The following CAV3 variants were observed in gnomAD, a reference collection of about 807,000 sequenced individuals.
CAV3 encodes the protein caveolin 3, also known as caveolin-3.
CAV3 carries 10 observed loss-of-function variants against 13.4 expected under a neutral mutation model. The observed-to-expected ratio is 0.75, with a 90% CI of 0.46 to 1.27. The LOEUF (loss-of-function observed/expected upper bound fraction) is 1.27, where lower values mean the gene tolerates loss of function less well. Among genes scored for constraint, CAV3 ranks in the 50% most tolerant of loss-of-function variants. The pLI is 0.00. For missense variants in CAV3, 162 were observed against 194.0 expected, an observed-to-expected ratio of 0.83 and a Z score of 0.98; for synonymous variants, 90 against 79.0, an observed-to-expected ratio of 1.14 and a Z score of -0.74.
chr3:8,738,014 T>TTC lies in CAV3; in HGVS notation c.114+4039_114+4040dup, dbSNP rs147215433. On this transcript the variant is annotated intron_variant, in intron 1 of 1. Transcript: ENST00000343849. ...CTCTCTTCTCTCTCTCTCCTCTTTC[T>TTC]TCTCTCTCTCTCTCTCCTCTGTCTT... 8.7e-5 allele frequency among the ~76,000 whole-genome samples: 13 copies of TTC among 149,860 alleles called. No homozygotes were observed. In the South Asian group the frequency reaches 1.5e-3, roughly 17 times the overall value.
intron 1 of CAV3, among the ~76,000 whole-genome samples, chr3:8,743,549 C>T (rs1006281551): frequency 3.3e-5 from 5 of 152,098 alleles, no homozygotes; most frequent in African/African-American, 1.2e-4. Context: ...AGCTGGGGGC[C>T]AAGATTATAC....
At chr3:8,742,549 T>C in intron 1 of CAV3, 1 of 453,088 alleles carries the variant, frequency 2.2e-6, no homozygotes, top group Non-Finnish European at 4.4e-6. Flanking sequence ...TGGAGAATAA[T>C]CCGGGATGTC....
At chr3:8,737,896 C>T (rs1707813391) in intron 1 of CAV3, among the ~76,000 whole-genome samples, 1 of 152,090 alleles carries the variant, frequency 6.6e-6, no homozygotes, top group Admixed American at 6.5e-5. Flanking sequence ...TACAGGTATA[C>T]CTCAGCACCT....
rs587780883 is a variant in CAV3 at position 8,733,906 on chromosome 3, G to A, written c.30G>A (p.Glu10=). Residue 10 remains glutamate, a synonymous_variant, in exon 1 of 2, where the codon GAG becomes GAA. Transcript: ENST00000343849. ...TGGCAGAAGAGCACACAGATCTCGA[G>A]GCCCAGATCGTCAAGGATATCCACT... MMAEEHTDL[E]AQIVKDIHCK... 1.7e-5 allele frequency: 28 copies of A among 1,612,764 alleles called. No homozygotes were observed. Among genetic ancestry groups the A allele is most frequent in the Non-Finnish European group, 1.9e-5 (22 of 1,178,938 alleles).
rs1708110227 is a variant in CAV3 at position 8,745,123 on chromosome 3, A to C, written c.115-403A>C. On this transcript the variant is annotated intron_variant, in intron 1 of 1. Transcript: ENST00000343849. The surrounding 1 kb of genome is among the most constrained non-coding windows in gnomAD (Gnocchi z 4.8). Reference sequence around the variant, plus strand: ...CGTGGCTTAGTGCTGTCCTCACAATAGTGGGAGAGTTCTCATAAGATCTGG... The same window carrying C: ...CGTGGCTTAGTGCTGTCCTCACAATCGTGGGAGAGTTCTCATAAGATCTGG... The C allele has an allele frequency of 2.3e-5, 5 of 218,494 alleles. No individual in the cohort carries two copies. In the South Asian group the frequency reaches 3.6e-4, roughly 16 times the overall value. The allele number at this position is 218,494 out of a possible 1,614,324, so 13.5% of individuals were successfully genotyped here.
chr3:8,735,444 A>G (rs1418633296), intron 1 of CAV3, among the ~76,000 whole-genome samples: 1 of 152,258 alleles, frequency 6.6e-6, no homozygotes, highest in Non-Finnish European at 1.5e-5. Context: ...CATAAAATGT[A>G]CATGTGAAAA....
At chr3:8,737,567 G>A (rs749711083) in intron 1 of CAV3, among the ~76,000 whole-genome samples, 38 of 152,142 alleles carry the variant, frequency 2.5e-4, no homozygotes, top group Non-Finnish European at 5.0e-4. Flanking sequence ...TCCAAGGCTC[G>A]GGACTGGGCC....
At position 8,733,975 on chromosome 3, in the gene CAV3, C is replaced by T. The variant is rs1008642; in HGVS notation, c.99C>T (p.Asn33=). Residue 33 remains asparagine, a synonymous_variant, in exon 1 of 2, where the codon AAC becomes AAT. Transcript: ENST00000343849. ...DLVNRDPKNI[N]EDIVKVDFED... is the part of the protein sequence containing the mutation. ...TGAACCGAGACCCCAAGAACATTAACGAGGACATAGTCAAGGTAGGCTCTG... is the reference window on the plus strand; with the variant it reads ...TGAACCGAGACCCCAAGAACATTAATGAGGACATAGTCAAGGTAGGCTCTG... 419,413 of 1,601,170 alleles carry T rather than the reference C, an allele frequency of 0.26. 60,267 individuals carry two copies. The highest frequency in any genetic ancestry group is 0.56 in the African/African-American group (41,780 of 74,416).
At chr3:8,739,789 G>A (rs1321783546) in intron 1 of CAV3, among the ~76,000 whole-genome samples, 1 of 152,126 alleles carries the variant, frequency 6.6e-6, no homozygotes, top group Non-Finnish European at 1.5e-5. Flanking sequence ...AAACTTAATG[G>A]CTTAAGGAAA....
At chr3:8,739,503 C>T (rs1427617852) in intron 1 of CAV3, among the ~76,000 whole-genome samples, 2 of 151,536 alleles carry the variant, frequency 1.3e-5, no homozygotes, top group Non-Finnish European at 2.9e-5. Context: ...GCCTGTAATC[C>T]CAGCTACTCA....
Position 8,745,300 on chromosome 3 carries a change from C to T in CAV3, c.115-226C>T, listed in dbSNP as rs1484492864. ...CAAGCAGATGCCAGCACCATGATTC[C>T]TGCACAGATCACAGACCCATGGGCC... On this transcript the variant is annotated intron_variant, in intron 1 of 1. Transcript: ENST00000343849. The surrounding 1 kb of genome is among the most constrained non-coding windows in gnomAD (Gnocchi z 4.8). Among the ~76,000 whole-genome samples the T allele has an allele frequency of 1.3e-5, 2 of 152,168 alleles. No individual in the cohort carries two copies. Among genetic ancestry groups the T allele is most frequent in the African/African-American group, 2.4e-5 (1 of 41,434 alleles).
In CAV3 at chr3:8,744,275, A is replaced by ATTT. The variant is rs35889837; in HGVS notation, c.115-1232_115-1230dup. Among the ~76,000 whole-genome samples the ATTT allele has an allele frequency of 1.8e-3, 221 of 120,834 alleles. 5 individuals are homozygous for ATTT. Among genetic ancestry groups the ATTT allele is most frequent in the African/African-American group, 7.1e-3 (199 of 27,982 alleles). The allele number at this position is 120,834 out of a possible 152,430, so 79.3% of individuals were successfully genotyped here. A position where few individuals can be genotyped will look rare whatever the true frequency, so the allele number is the denominator to read the frequency against. ...CACTGCTGTTTAATTGACCAGTGGA[A>ATTT]TTTTTTTTTTTTTTTTTTTTTGAGA... is the stretch of plus-strand genomic sequence containing the variant. On this transcript the variant is annotated intron_variant, in intron 1 of 1. Coordinates refer to ENST00000343849, the MANE Select transcript of CAV3 (RefSeq NM_033337.3).
At chr3:8,734,143 A>AC (rs1446848509) in intron 1 of CAV3, among the ~76,000 whole-genome samples, 153 bp downstream of exon 1, 1 of 76,246 alleles carries the variant, frequency 1.3e-5, no homozygotes, top group African/African-American at 5.3e-5. Flanking sequence ...ACCCCACCCC[A>AC]CCCCCAAAAA....
Position 8,745,973 on chromosome 3 carries a change from C to G in CAV3, c.*106C>G. 1 of 847,504 alleles carries G rather than the reference C, an allele frequency of 1.2e-6. No individual in the cohort carries two copies. 52.5% of individuals were successfully genotyped at this position (847,504 alleles called of 1,614,324 possible). ...CTGGCGAGCTCTTTCTCTTTAGGGA[C>G]TGCTCCATACCCCATGATGGAGCAC... On this transcript the variant is annotated 3_prime_UTR_variant, in exon 2 of 2. Coordinates refer to ENST00000343849, the MANE Select transcript of CAV3 (RefSeq NM_033337.3). The surrounding 1 kb of genome is among the most constrained non-coding windows in gnomAD (Gnocchi z 4.8).
intron 1 of CAV3, among the ~76,000 whole-genome samples, chr3:8,737,708 G>A (rs1399127917): frequency 1.3e-5 from 2 of 152,136 alleles, no homozygotes; most frequent in Non-Finnish European, 2.9e-5. Flanking sequence ...GTTCAGCACA[G>A]GCAATGTGCT....
At position 8,745,571 on chromosome 3, in the gene CAV3, T is replaced by G. The variant is rs730880419; in HGVS notation, c.160T>G (p.Phe54Val). Residue 54 changes from phenylalanine (F) to valine (V), a missense_variant, in exon 2 of 2, where the codon TTT becomes GTT. By Grantham distance (50) the Phe-to-Val change is conservative. Transcript: ENST00000343849. The surrounding 1 kb of genome is among the most constrained non-coding windows in gnomAD (Gnocchi z 4.8). Reference sequence around the variant, plus strand: ...CGCAGAGCCTGTGGGCACCTACAGCTTTGACGGCGTGTGGAAGGTGAGCTA... The same window carrying G: ...CGCAGAGCCTGTGGGCACCTACAGCGTTGACGGCGTGTGGAAGGTGAGCTA... ...VIAEPVGTYS[F>V]DGVWKVSYTT... The G allele has an allele frequency of 1.7e-5, 28 of 1,614,132 alleles. No homozygotes were observed. Among genetic ancestry groups the G allele is most frequent in the Non-Finnish European group, 2.4e-5 (28 of 1,180,008 alleles).
chr3:8,743,618 G>A (rs1708049312), intron 1 of CAV3, among the ~76,000 whole-genome samples: 1 of 152,174 alleles, frequency 6.6e-6, no homozygotes, highest in Non-Finnish European at 1.5e-5. Flanking sequence ...GTCTCACCCT[G>A]TAAACTGTGC....
At chr3:8,741,968 G>A (rs753292949) in intron 1 of CAV3, among the ~76,000 whole-genome samples, 6 of 152,172 alleles carry the variant, frequency 3.9e-5, no homozygotes, top group Middle Eastern at 3.4e-3. Flanking sequence ...TCACCCTCCA[G>A]CCCCTCTCTC....
chr3:8,736,692 C>T (rs374045474), intron 1 of CAV3, among the ~76,000 whole-genome samples: 2 of 152,302 alleles, frequency 1.3e-5, no homozygotes, highest in East Asian at 3.9e-4. Flanking sequence ...GGTGCAGCGG[C>T]TTTACGCAGC....
Sources: allele counts gnomAD v4.1 joint callset (sites outside exome capture counted in the v4.1 genomes callset), GRCh38; gene constraint gnomAD v4.1.1; non-coding constraint Gnocchi (gnomAD v3.1); transcripts MANE v1.5; gene names NCBI Gene and HGNC (gene_info 2026-07-23, HGNC 2026-07-21).